COL15A1: variants seen among roughly 807,000 people sequenced by gnomAD.
The protein encoded by COL15A1 is collagen type XV alpha 1 chain.
Under a neutral mutation model 165.9 loss-of-function variants are expected in COL15A1, and 111 were observed. That is an observed-to-expected ratio of 0.67 (90% CI 0.57 to 0.78). COL15A1 has a LOEUF of 0.78. Among genes scored for constraint, COL15A1 ranks in the 30% least tolerant of loss-of-function variants. The pLI is 0.00. For synonymous variants in COL15A1, 659 were observed against 674.8 expected (o/e 0.98, Z 0.36); for missense variants, 1,745 against 1,789.7 (o/e 0.98, Z 0.45).
chr9:98,983,459 C>T (rs1838262359), intron 2 of COL15A1, among the ~76,000 whole-genome samples: 1 of 152,196 alleles, frequency 6.6e-6, no homozygotes, highest in Non-Finnish European at 1.5e-5. Context: ...AAATGTCCTG[C>T]CACTTACCAG....
chr9:99,051,183 T>C (rs542008971), intron 30 of COL15A1, among the ~76,000 whole-genome samples: 2 of 152,224 alleles, frequency 1.3e-5, no homozygotes, highest in African/African-American at 4.8e-5. Flanking sequence ...CTCTCCTAAC[T>C]AACATGATTT....
chr9:98,963,856 G>T (rs564238182), intron 2 of COL15A1, among the ~76,000 whole-genome samples: 2 of 152,102 alleles, frequency 1.3e-5, no homozygotes, highest in Non-Finnish European at 2.9e-5. Flanking sequence ...TGCCCATCCC[G>T]TTCACCCCAA....
chr9:99,056,965 G>A (rs1156893381), intron 35 of COL15A1, among the ~76,000 whole-genome samples: 10 of 152,192 alleles, frequency 6.6e-5, no homozygotes, highest in Admixed American at 2.0e-4. Context: ...GGACATTTGG[G>A]TTGTTTCTAC....
Position 99,003,539 on chromosome 9 carries a change from A to C in COL15A1, c.1152A>C (p.Gly384=), listed in dbSNP as rs558084728. 6.4e-7 allele frequency: 1 copy of C among 1,567,506 alleles called. No homozygotes were observed. The highest frequency in any genetic ancestry group is 1.4e-5 in the African/African-American group (1 of 72,946). Residue 384 remains glycine (G), a synonymous_variant, in exon 8 of 42, where the codon GGA becomes GGC. Coordinates refer to ENST00000375001, the MANE Select transcript of COL15A1 (RefSeq NM_001855.5). ...EAEASSVPTG[G]PTLSMSTENP... is the part of the protein sequence containing the mutation. ...AGGCCAGCAGTGTGCCCACCGGGGG[A>C]CCAACCCTCTCTATGTCCACGGAGA...
chr9:99,062,985 A>G (rs1825839639), intron 38 of COL15A1, 65 bp from the exon 39 acceptor site: 3 of 1,542,418 alleles, frequency 1.9e-6, no homozygotes, highest in African/African-American at 1.4e-5. Flanking sequence ...TTGCACCTCA[A>G]TACACTCTGA....
intron 2 of COL15A1, among the ~76,000 whole-genome samples, chr9:98,960,184 G>GA (rs34303854): frequency 0.35 from 52,611 of 151,834 alleles, 9,230 homozygotes; most frequent in Non-Finnish European, 0.38. Context: ...AAGGTAGGGT[G>GA]ATTGCTTGAG....
At chr9:98,989,290 T>C (rs1588504155) in intron 5 of COL15A1, 32 bp downstream of exon 5, 6 of 1,558,708 alleles carry the variant, frequency 3.8e-6, no homozygotes, top group Admixed American at 3.4e-5. Flanking sequence ...CATGTGATCT[T>C]GCTCAGCTTT....
Position 99,056,273 on chromosome 9 carries a change from A to T in COL15A1, c.3206A>T (p.Glu1069Val). Residue 1069 changes from glutamate (E) to valine (V), a missense_variant, in exon 35 of 42, where the codon GAG becomes GTG. Coordinates refer to ENST00000375001, the MANE Select transcript of COL15A1 (RefSeq NM_001855.5). The part of the protein sequence containing the change: ...GNPGPAGQKG[E>V]TVVGPQGPPG... ...TTGCCTTGACAGGGCCAAAAAGGGG[A>T]GACAGTCGTTGGGCCCCAAGGACCC... is the stretch of plus-strand genomic sequence containing the variant. 6.2e-7 allele frequency: 1 copy of T among 1,614,154 alleles called. No individual in the cohort carries two copies. The highest frequency in any genetic ancestry group is 8.5e-7 in the Non-Finnish European group (1 of 1,180,000).
chr9:99,024,298 T>TTC (rs1839083719), intron 14 of COL15A1, among the ~76,000 whole-genome samples: 4 of 148,394 alleles, frequency 2.7e-5, no homozygotes, highest in African/African-American at 1.0e-4. Flanking sequence ...TTTTTTTTTT[T>TTC]GAGATGGAGT....
intron 40 of COL15A1, among the ~76,000 whole-genome samples, chr9:99,067,648 T>C (rs1267181888): frequency 1.3e-5 from 2 of 152,186 alleles, no homozygotes; most frequent in Admixed American, 1.3e-4. Context: ...CTGATGACTG[T>C]TTCTTAAAGG....
Position 98,986,022 on chromosome 9 carries a change from C to G in COL15A1, c.558C>G (p.Pro186=). The G allele has an allele frequency of 6.2e-7, 1 of 1,614,154 alleles. No individual in the cohort carries two copies. Among genetic ancestry groups the G allele is most frequent in the Non-Finnish European group, 8.5e-7 (1 of 1,180,032 alleles). ...LVNCEEHSRI[P]FQRSSQALAF... ...ACTGTGAGGAGCACAGCCGCATCCCCTTCCAGCGGTCCTCCCAGGCTTTGG... is the reference window on the plus strand; with the variant it reads ...ACTGTGAGGAGCACAGCCGCATCCCGTTCCAGCGGTCCTCCCAGGCTTTGG... The change falls in exon 3 of 42, where the codon CCC becomes CCG. Residue 186 remains proline, a synonymous_variant. Transcript: ENST00000375001.
At chr9:99,067,281 G>A (rs1825911447) in intron 40 of COL15A1, among the ~76,000 whole-genome samples, 2 of 152,300 alleles carry the variant, frequency 1.3e-5, no homozygotes, top group South Asian at 4.1e-4. Context: ...AGGAGAGATA[G>A]TGATAACTTC....
intron 6 of COL15A1, among the ~76,000 whole-genome samples, chr9:98,999,317 G>T (rs1838606182): frequency 3.9e-5 from 6 of 152,068 alleles, no homozygotes. Context: ...TGTGGATCCG[G>T]CAGGTCACAC....
At chr9:98,982,141 T>G (rs1035644331) in intron 2 of COL15A1, among the ~76,000 whole-genome samples, 14 of 151,250 alleles carry the variant, frequency 9.3e-5, no homozygotes, top group South Asian at 6.3e-4. Context: ...TAGAGAGAGA[T>G]AGGGTATTTC....
At position 98,990,259 on chromosome 9, in the gene COL15A1, C is replaced by G. The variant is rs573893818; in HGVS notation, c.804+1001C>G. On this transcript the variant is annotated intron_variant, in intron 5 of 41. Transcript: ENST00000375001. Reference sequence around the variant, plus strand: ...ACCAAGGCCCAGATAGGGGAAGACACTGACTGAAGGGTGTATGGGCCGGAC... The same window carrying G: ...ACCAAGGCCCAGATAGGGGAAGACAGTGACTGAAGGGTGTATGGGCCGGAC... Among the ~76,000 whole-genome samples, 6 of 152,348 alleles carry G rather than the reference C, an allele frequency of 3.9e-5. No homozygotes were observed. The South Asian group carries it at 1.2e-3, about 32-fold the overall frequency.
Position 98,944,040 on chromosome 9 carries a change from C to A in COL15A1, c.-22C>A. The A allele has an allele frequency of 6.2e-7, 1 of 1,613,802 alleles. No individual in the cohort carries two copies. The highest frequency in any genetic ancestry group is 8.5e-7 in the Non-Finnish European group (1 of 1,179,778). On this transcript the variant is annotated 5_prime_UTR_variant, in exon 1 of 42. Transcript: ENST00000375001. ...TCTGCTCGACTAGCCGCGCGCCTTC[C>A]GGGGCTCCGCAGACCCGCGAGATGG... is the stretch of plus-strand genomic sequence containing the variant.
At chr9:99,021,524 A>AT (rs1406127346) in intron 12 of COL15A1, among the ~76,000 whole-genome samples, 2 of 152,082 alleles carry the variant, frequency 1.3e-5, no homozygotes, top group Non-Finnish European at 2.9e-5. Context: ...CCACTCTGTC[A>AT]TTTTCTTTCA....
chr9:99,029,685 A>G (rs1223132887), intron 16 of COL15A1, among the ~76,000 whole-genome samples: 1 of 152,218 alleles, frequency 6.6e-6, no homozygotes. Context: ...GCACTTTGGT[A>G]AGCCTAGGTG....
chr9:98,959,085 C>A (rs896763772), intron 2 of COL15A1, among the ~76,000 whole-genome samples: 21 of 151,640 alleles, frequency 1.4e-4, no homozygotes, highest in Admixed American at 1.4e-3. Flanking sequence ...AGTATTGTAG[C>A]TTTGTTTTAA....
Sources: gnomAD v4.1 joint callset for allele counts (sites outside exome capture counted in the v4.1 genomes callset) on GRCh38, gnomAD v4.1.1 for gene constraint, MANE v1.5 for transcripts, NCBI Gene and HGNC (gene_info 2026-07-23, HGNC 2026-07-21) for gene names.